Variants in RADIL observed in about 807,000 individuals in gnomAD.
RADIL encodes the protein ras-associating and dilute domain-containing protein.
In RADIL, 99 loss-of-function variants were observed where a neutral mutation model predicts 97.6. The ratio of observed to expected loss-of-function variants is 1.01; its 90% CI spans 0.86 to 1.20. The LOEUF is 1.20. Ranked by LOEUF, RADIL falls within the 50% of genes most tolerant of loss-of-function variation. The probability of loss-of-function intolerance (pLI) is 0.00; values close to 1 mark genes in which losing one functional copy is unlikely to be tolerated. For synonymous variants in RADIL, 803 were observed against 691.8 expected, an observed-to-expected ratio of 1.16 and a Z score of -2.52; for missense variants, 1,765 against 1,498.9, an observed-to-expected ratio of 1.18 and a Z score of -2.93.
At chr7:4,851,247 G>A (rs1351347783) in intron 2 of RADIL, among the ~76,000 whole-genome samples, 1 of 152,018 alleles carries the variant, frequency 6.6e-6, no homozygotes. Context: ...GGATTTTAGG[G>A]CCAGGAAATG....
Position 4,879,301 on chromosome 7 carries a change from G to A in RADIL, c.-64-1098C>T, listed in dbSNP as rs144264636. Among the ~76,000 whole-genome samples, 2 of 152,322 alleles carry A rather than the reference G, an allele frequency of 1.3e-5. No individual in the cohort carries two copies. Among genetic ancestry groups the A allele is most frequent in the East Asian group, 3.9e-4 (2 of 5,174 alleles). ...GTGCCCAGGGCCAGGAGTTCCAGAT[G>A]GTTTCTCAGTCTCCCTCCAGAACCT... On this transcript the variant is annotated intron_variant, in intron 1 of 14. Coordinates refer to ENST00000399583, the MANE Select transcript of RADIL (RefSeq NM_018059.5). The surrounding 1 kb of genome is among the most constrained non-coding windows in gnomAD (Gnocchi z 4.1).
intron 2 of RADIL, among the ~76,000 whole-genome samples, chr7:4,844,302 G>A (rs972788443): frequency 4.6e-5 from 7 of 151,222 alleles, no homozygotes; most frequent in Non-Finnish European, 3.0e-5. Context: ...AAAATTAGCT[G>A]AGTGTGGTGG....
rs1294013978 is a variant in RADIL, at chr7:4,854,820, C to T, written c.536-18215G>A. Among the ~76,000 whole-genome samples the T allele has an allele frequency of 6.6e-6, 1 of 152,138 alleles. No individual in the cohort carries two copies. Among genetic ancestry groups the T allele is most frequent in the Non-Finnish European group, 1.5e-5 (1 of 68,028 alleles). On this transcript the variant is annotated intron_variant, in intron 2 of 14. Transcript: ENST00000399583. The surrounding 1 kb of genome is among the most constrained non-coding windows in gnomAD (Gnocchi z 5.1). Reference sequence around the variant, plus strand: ...AAATAAACACCATTTCATCCACCACCCAACCTAAAAAGAATGCACTAGTTC... The same window carrying T: ...AAATAAACACCATTTCATCCACCACTCAACCTAAAAAGAATGCACTAGTTC...
rs1360540639 is a variant in RADIL, at chr7:4,842,102, TAGGCCTCGTA to T, written c.536-5507_536-5498del. Among the ~76,000 whole-genome samples the T allele has an allele frequency of 1.3e-5, 2 of 150,652 alleles. No individual in the cohort carries two copies. Among genetic ancestry groups the T allele is most frequent in the East Asian group, 3.9e-4 (2 of 5,152 alleles). ...AAGGCCAGAGGCTGGAATAGCAGCG[TAGGCCTCGTA>T]AGGGACCATGGTTTGCAGACAGGCC... On this transcript the variant is annotated intron_variant, in intron 2 of 14. Transcript: ENST00000399583. The surrounding 1 kb of genome is among the most constrained non-coding windows in gnomAD (Gnocchi z 4.5).
At chr7:4,804,550 G>C (rs1341449757) in intron 10 of RADIL, among the ~76,000 whole-genome samples, 1 of 152,240 alleles carries the variant, frequency 6.6e-6, no homozygotes, top group Non-Finnish European at 1.5e-5. Flanking sequence ...ACTTTGGGAG[G>C]CAGGAGCAGG....
Position 4,817,305 on chromosome 7 carries a change from C to T in RADIL, c.1662G>A (p.Glu554=). ...LFSCTLTASE[E]AMAVLEEVVL... is the part of the protein sequence containing the mutation. Reference sequence around the variant, plus strand: ...CCACCTCCTCCAGCACCGCCATGGCCTCCTCGCTGGCCGTCAGCGTGCAGG... The same window carrying T: ...CCACCTCCTCCAGCACCGCCATGGCTTCCTCGCTGGCCGTCAGCGTGCAGG... Residue 554 remains glutamate (E), a synonymous_variant, in exon 7 of 15, where the codon GAG becomes GAA. Transcript: ENST00000399583. This position sits in a 1 kb window ranked among gnomAD's most constrained non-coding sequence, Gnocchi z 8.3. The T allele has an allele frequency of 6.2e-7, 1 of 1,612,660 alleles. No individual in the cohort carries two copies. The highest frequency in any genetic ancestry group is 2.2e-5 in the East Asian group (1 of 44,878).
intron 2 of RADIL, chr7:4,860,004 T>C (rs781504104): frequency 1.2e-6 from 2 of 1,613,962 alleles, no homozygotes; most frequent in South Asian, 2.2e-5. Context: ...GATGGAGAAA[T>C]GGCAGGCTGA....
intron 12 of RADIL, among the ~76,000 whole-genome samples, chr7:4,800,920 C>T (rs79387600): frequency 0.041 from 6,177 of 152,290 alleles, 408 homozygotes; most frequent in African/African-American, 0.14. Flanking sequence ...GGACACTTCG[C>T]TCCTGCAAGG....
intron 2 of RADIL, among the ~76,000 whole-genome samples, chr7:4,870,178 G>A (rs1017762349): frequency 1.3e-5 from 2 of 152,066 alleles, no homozygotes; most frequent in African/African-American, 2.4e-5. Context: ...AACAAAGATG[G>A]ACACCAAGTC....
chr7:4,835,547 C>T lies in RADIL; in HGVS notation c.784-308G>A, dbSNP rs1191425874. ...GGAAACAGGCACTGGTTCTACAGAC[C>T]GGGCCAAGGACTACATAACTTCCCC... On this transcript the variant is annotated intron_variant, in intron 3 of 14. Coordinates refer to ENST00000399583, the MANE Select transcript of RADIL (RefSeq NM_018059.5). The surrounding 1 kb of genome is among the most constrained non-coding windows in gnomAD (Gnocchi z 5.8). Among the ~76,000 whole-genome samples the T allele has an allele frequency of 2.0e-5, 3 of 152,152 alleles. No individual in the cohort carries two copies. The highest frequency in any genetic ancestry group is 4.4e-5 in the Non-Finnish European group (3 of 68,036).
At chr7:4,820,620 G>C (rs1384696560) in intron 6 of RADIL, among the ~76,000 whole-genome samples, 1 of 152,208 alleles carries the variant, frequency 6.6e-6, no homozygotes, top group African/African-American at 2.4e-5. Context: ...TGTGAAGGAG[G>C]GGAGAAGGAA....
chr7:4,877,065 G>T (rs1318848281), intron 2 of RADIL, among the ~76,000 whole-genome samples: 1 of 152,210 alleles, frequency 6.6e-6, no homozygotes, highest in Non-Finnish European at 1.5e-5. Flanking sequence ...TCAGACAAAA[G>T]AACAGATGTG....
At position 4,867,865 on chromosome 7, in the gene RADIL, G is replaced by A. The variant is rs141633166; in HGVS notation, c.535+9740C>T. On this transcript the variant is annotated intron_variant, in intron 2 of 14. Transcript: ENST00000399583. The surrounding 1 kb of genome is among the most constrained non-coding windows in gnomAD (Gnocchi z 4.1). ...AGAAAATGATCCTATCCATCCACCA[G>A]AGCATCTGCCAACAGATTGGAAACC... 2.0e-5 allele frequency among the ~76,000 whole-genome samples: 3 copies of A among 152,308 alleles called. No individual in the cohort carries two copies. The highest frequency in any genetic ancestry group is 7.2e-5 in the African/African-American group (3 of 41,564).
In RADIL at chr7:4,861,372, A is replaced by G. The variant is rs769454859; in HGVS notation, c.535+16233T>C. On this transcript the variant is annotated intron_variant, in intron 2 of 14. Coordinates refer to ENST00000399583, the MANE Select transcript of RADIL (RefSeq NM_018059.5). ...ACAAATGCCTCCTCGACAGCCCTTA[A>G]ATCTTTCACTTCCTCCTGTAGTTTC... The G allele has an allele frequency of 5.0e-6, 8 of 1,614,198 alleles. No individual in the cohort carries two copies. In the South Asian group the frequency reaches 8.8e-5, roughly 18 times the overall value.
At chr7:4,808,359 T>G (rs1782413690) in intron 9 of RADIL, among the ~76,000 whole-genome samples, 1 of 152,002 alleles carries the variant, frequency 6.6e-6, no homozygotes, top group Non-Finnish European at 1.5e-5. Context: ...ATCTTATTAT[T>G]ATTTTATGGA....
intron 2 of RADIL, among the ~76,000 whole-genome samples, chr7:4,868,956 G>A (rs2880934): frequency 0.22 from 32,978 of 152,108 alleles, 4,404 homozygotes; most frequent in South Asian, 0.33. Flanking sequence ...GTGAAACCCT[G>A]TCTTTACTAA....
At position 4,817,477 on chromosome 7, in the gene RADIL, G is replaced by C; in HGVS notation, c.1616-126C>G. ...CAACGCGCCCATCTGGGGTCCAGAT[G>C]CGATAAACTGGCCGAGGGACTCTGG... On this transcript the variant is annotated intron_variant, in intron 6 of 14. Coordinates refer to ENST00000399583, the MANE Select transcript of RADIL (RefSeq NM_018059.5). This position sits in a 1 kb window ranked among gnomAD's most constrained non-coding sequence, Gnocchi z 8.3. 1.3e-6 allele frequency: 1 copy of C among 746,308 alleles called. No individual in the cohort carries two copies. Among genetic ancestry groups the C allele is most frequent in the Non-Finnish European group, 2.1e-6 (1 of 466,988 alleles). 46.2% of individuals were successfully genotyped at this position (746,308 alleles called of 1,614,324 possible). A position where few individuals can be genotyped will look rare whatever the true frequency, so the allele number is the denominator to read the frequency against.
chr7:4,821,262 C>G lies in RADIL; in HGVS notation c.1615+1132G>C, dbSNP rs556927183. ...GGCACTGTGCCCGCCTGACAGCCCA[C>G]CCCACAGATGTGAGGGCAGTGGGTG... On this transcript the variant is annotated intron_variant, in intron 6 of 14. Coordinates refer to ENST00000399583, the MANE Select transcript of RADIL (RefSeq NM_018059.5). The surrounding 1 kb of genome is among the most constrained non-coding windows in gnomAD (Gnocchi z 5.2). Among the ~76,000 whole-genome samples, 23 of 152,344 alleles carry G rather than the reference C, an allele frequency of 1.5e-4. No individual in the cohort carries two copies. In the South Asian group the frequency reaches 2.9e-3, roughly 19 times the overall value.
At position 4,878,113 on chromosome 7, in the gene RADIL, C is replaced by T; in HGVS notation, c.27G>A (p.Met9Ile). The T allele has an allele frequency of 6.3e-7, 1 of 1,575,720 alleles. No individual in the cohort carries two copies. Among genetic ancestry groups the T allele is most frequent in the South Asian group, 1.2e-5 (1 of 86,238 alleles). Reference sequence around the variant, plus strand: ...TCAGTTTGCTCTTGGTGGGCGGGGACATGATGAAGTGCGTCCCATAAAACA... The same window carrying T: ...TCAGTTTGCTCTTGGTGGGCGGGGATATGATGAAGTGCGTCCCATAAAACA... MFYGTHFIMSPPTKSKLKR... is the reference protein window; with the variant it reads MFYGTHFIISPPTKSKLKR... Residue 9 changes from methionine (M) to isoleucine (I), a missense_variant, in exon 2 of 15, where the codon ATG becomes ATA. Coordinates refer to ENST00000399583, the MANE Select transcript of RADIL (RefSeq NM_018059.5). The surrounding 1 kb of genome is among the most constrained non-coding windows in gnomAD (Gnocchi z 4.1).
Sources: allele counts gnomAD v4.1 joint callset (sites outside exome capture counted in the v4.1 genomes callset), GRCh38; gene constraint gnomAD v4.1.1; non-coding constraint Gnocchi (gnomAD v3.1); transcripts MANE v1.5; gene names NCBI Gene and HGNC (gene_info 2026-07-23, HGNC 2026-07-21).